The following SPAG17 variants were observed in gnomAD, a reference collection of about 807,000 sequenced individuals.
SPAG17 encodes sperm-associated antigen 17.
A neutral mutation model predicts 273.6 loss-of-function variants in SPAG17; 169 were observed. The observed-to-expected ratio is 0.62, with a 90% CI of 0.55 to 0.70. SPAG17 has a LOEUF of 0.70. SPAG17 is among the 30% of genes least tolerant of loss of function. The pLI is 0.00. For synonymous variants in SPAG17, 825 were observed against 873.2 expected, an observed-to-expected ratio of 0.94 and a Z score of 0.97; for missense variants, 2,557 against 2,627.8, an observed-to-expected ratio of 0.97 and a Z score of 0.59.
At chr1:118,029,132 C>T (rs1026059153) in intron 25 of SPAG17, among the ~76,000 whole-genome samples, 2 of 152,072 alleles carry the variant, frequency 1.3e-5, no homozygotes, top group Non-Finnish European at 2.9e-5. Context: ...TGCCTGTGGT[C>T]CCAGCTACTT....
intron 20 of SPAG17, among the ~76,000 whole-genome samples, chr1:118,046,901 A>G (rs192103491): frequency 2.2e-4 from 34 of 152,324 alleles, no homozygotes; most frequent in Non-Finnish European, 4.6e-4. Context: ...GAGGAAAAGA[A>G]AGGATCATAG....
intron 1 of SPAG17, 23 bp downstream of exon 1, chr1:118,185,048 G>A: frequency 1.2e-6 from 2 of 1,608,482 alleles, no homozygotes; most frequent in South Asian, 1.1e-5. Context: ...GGGCAGGGAG[G>A]GCTTAAAGGG....
At chr1:118,109,630 T>C (rs1259396213) in intron 4 of SPAG17, among the ~76,000 whole-genome samples, 1 of 151,414 alleles carries the variant, frequency 6.6e-6, no homozygotes, top group African/African-American at 2.4e-5. Flanking sequence ...CATATAAAAT[T>C]TATAATAAGA....
intron 19 of SPAG17, among the ~76,000 whole-genome samples, chr1:118,054,691 A>AT (rs528814134): frequency 2.0e-5 from 3 of 151,898 alleles, no homozygotes; most frequent in Non-Finnish European, 2.9e-5. Flanking sequence ...AGCCCTACCC[A>AT]TTTTTTTAAA....
At chr1:117,992,691 A>C (rs1657240725) in intron 35 of SPAG17, 43 bp from the exon 36 acceptor site, 1 of 1,443,270 alleles carries the variant, frequency 6.9e-7, no homozygotes, top group South Asian at 1.5e-5. Context: ...AGAAATCAGA[A>C]TGTTTTCACA....
chr1:118,125,245 A>ATATT (rs146004766), intron 3 of SPAG17, among the ~76,000 whole-genome samples: 1 of 150,750 alleles, frequency 6.6e-6, no homozygotes, highest in African/African-American at 2.5e-5. Context: ...ATATATATAT[A>ATATT]TTTTTGACAT....
intron 24 of SPAG17, among the ~76,000 whole-genome samples, chr1:118,033,525 T>C (rs1174270173): frequency 6.6e-6 from 1 of 152,202 alleles, no homozygotes; most frequent in African/African-American, 2.4e-5. Context: ...TTCTGCAGCG[T>C]TTTGCTAACT....
chr1:118,042,893 C>T (rs1649936178), intron 20 of SPAG17, among the ~76,000 whole-genome samples: 1 of 152,164 alleles, frequency 6.6e-6, no homozygotes, highest in South Asian at 2.1e-4. Flanking sequence ...TCCTTCCTTG[C>T]TTTGTTTATG....
At chr1:118,147,306 T>G (rs1659065067) in intron 3 of SPAG17, among the ~76,000 whole-genome samples, 1 of 152,308 alleles carries the variant, frequency 6.6e-6, no homozygotes, top group South Asian at 2.1e-4. Flanking sequence ...TACTATATAA[T>G]GCAGGCAATA....
chr1:118,134,097 A>G (rs1055973357), intron 3 of SPAG17, among the ~76,000 whole-genome samples: 3 of 152,246 alleles, frequency 2.0e-5, no homozygotes, highest in Admixed American at 1.3e-4. Context: ...CTTTGGCAAG[A>G]TATGTCAAGA....
At chr1:117,974,394 T>G (rs1367926960) in intron 43 of SPAG17, among the ~76,000 whole-genome samples, 1 of 151,978 alleles carries the variant, frequency 6.6e-6, no homozygotes, top group Non-Finnish European at 1.5e-5. Context: ...ATGAGAAAAA[T>G]AAGATTCTAA....
chr1:118,015,954 G>T lies in SPAG17; in HGVS notation c.4287+11C>A, dbSNP rs772072808. ...TTAGAAAATTTTGCAATAAACAATAGTTTGTCATACCGTTCCATTGACAGG... is the reference window on the plus strand; with the variant it reads ...TTAGAAAATTTTGCAATAAACAATATTTTGTCATACCGTTCCATTGACAGG... On this transcript the variant is annotated intron_variant, in intron 29 of 48. Coordinates refer to ENST00000336338, the MANE Select transcript of SPAG17 (RefSeq NM_206996.4). 1 of 1,612,318 alleles carries T rather than the reference G, an allele frequency of 6.2e-7. No individual in the cohort carries two copies. Among genetic ancestry groups the T allele is most frequent in the South Asian group, 1.1e-5 (1 of 90,950 alleles).
At chr1:118,029,844 C>A (rs1648219486) in intron 25 of SPAG17, among the ~76,000 whole-genome samples, 1 of 151,954 alleles carries the variant, frequency 6.6e-6, no homozygotes, top group Admixed American at 6.6e-5. Context: ...AGTTGTTCTG[C>A]CTTTTCTTTG....
intron 4 of SPAG17, among the ~76,000 whole-genome samples, chr1:118,104,618 A>G (rs779527749): frequency 1.3e-4 from 20 of 152,220 alleles, no homozygotes; most frequent in Non-Finnish European, 2.8e-4. Flanking sequence ...ACCAATGGGT[A>G]TAGGGAGAGA....
intron 1 of SPAG17, among the ~76,000 whole-genome samples, chr1:118,158,330 T>C (rs1659753335): frequency 6.6e-6 from 1 of 152,160 alleles, no homozygotes; most frequent in Non-Finnish European, 1.5e-5. Flanking sequence ...CACTGAGTTT[T>C]AGATTTTGTG....
intron 24 of SPAG17, among the ~76,000 whole-genome samples, chr1:118,032,268 T>A (rs1402964331): frequency 6.6e-6 from 1 of 152,142 alleles, no homozygotes. Context: ...AGCATCAAAA[T>A]AGTCTAAATA....
chr1:118,125,815 A>G (rs1463162389), intron 3 of SPAG17, among the ~76,000 whole-genome samples: 5 of 152,218 alleles, frequency 3.3e-5, no homozygotes, highest in African/African-American at 1.2e-4. Context: ...GCTACTGTGA[A>G]TAGTGCTGCA....
At chr1:118,144,666 G>A (rs1017317388) in intron 3 of SPAG17, among the ~76,000 whole-genome samples, 3 of 152,174 alleles carry the variant, frequency 2.0e-5, no homozygotes, top group Non-Finnish European at 4.4e-5. Context: ...GAGTGCCGAG[G>A]CCCTGGTGTG....
intron 23 of SPAG17, 131 bp from the exon 24 acceptor site, chr1:118,037,014 G>T: frequency 1.6e-6 from 1 of 641,300 alleles, no homozygotes. Context: ...AATTGGTTTA[G>T]CTTGACCATG....
Sources: allele counts gnomAD v4.1 joint callset (sites outside exome capture counted in the v4.1 genomes callset), GRCh38; gene constraint gnomAD v4.1.1; transcripts MANE v1.5; gene names NCBI Gene and HGNC (gene_info 2026-07-23, HGNC 2026-07-21).